Variants in BANK1 observed in about 807,000 individuals in gnomAD.
BANK1 encodes the protein B-cell scaffold protein with ankyrin repeats.
A neutral mutation model predicts 94.5 loss-of-function variants in BANK1; 95 were observed. That is an observed-to-expected ratio of 1.00 (90% confidence interval 0.85 to 1.19). The LOEUF is 1.19. Ranked by LOEUF, BANK1 falls within the 50% of genes most tolerant of loss-of-function variation. The pLI is 0.00. For missense variants in BANK1, 987 were observed against 932.2 expected, an observed-to-expected ratio of 1.06 and a Z score of -0.77; for synonymous variants, 334 against 308.4, an observed-to-expected ratio of 1.08 and a Z score of -0.87.
chr4:101,971,298 TA>T (rs1222549812), intron 7 of BANK1, among the ~76,000 whole-genome samples: 2 of 152,152 alleles, frequency 1.3e-5, no homozygotes, highest in Admixed American at 6.6e-5. Flanking sequence ...AGAAAATGTG[TA>T]AAAAACAGAA....
intron 3 of BANK1, among the ~76,000 whole-genome samples, chr4:101,855,850 G>A (rs1019479062): frequency 1.3e-5 from 2 of 152,186 alleles, no homozygotes; most frequent in African/African-American, 4.8e-5. Context: ...AGAGTATAAT[G>A]TGGGGGGATG....
intron 1 of BANK1, among the ~76,000 whole-genome samples, chr4:101,794,081 C>A: frequency 6.6e-6 from 1 of 151,912 alleles, no homozygotes. Flanking sequence ...GAAAAGAATT[C>A]ATAATGAGAA....
intron 1 of BANK1, among the ~76,000 whole-genome samples, chr4:101,809,074 A>G (rs1259101853): frequency 6.6e-6 from 1 of 152,232 alleles, no homozygotes; most frequent in Non-Finnish European, 1.5e-5. Flanking sequence ...ACAATTTGCA[A>G]TTGCAAAAAT....
intron 7 of BANK1, among the ~76,000 whole-genome samples, chr4:101,936,264 T>C (rs550452005): frequency 2.7e-5 from 4 of 150,232 alleles, no homozygotes; most frequent in African/African-American, 7.3e-5. Flanking sequence ...CACATACATG[T>C]ATGCATACAT....
chr4:101,876,311 AG>A (rs1339222853), intron 5 of BANK1, among the ~76,000 whole-genome samples: 12 of 152,188 alleles, frequency 7.9e-5, no homozygotes, highest in Admixed American at 7.9e-4. Flanking sequence ...GTGAGGGAAA[AG>A]TAAAGGGAAC....
chr4:101,845,146 T>G (rs928592854), intron 2 of BANK1, among the ~76,000 whole-genome samples: 1 of 152,138 alleles, frequency 6.6e-6, no homozygotes, highest in Non-Finnish European at 1.5e-5. Context: ...AACTAAATAC[T>G]ATTCCGTTCC....
chr4:101,939,377 T>A (rs974044768), intron 7 of BANK1, among the ~76,000 whole-genome samples: 3 of 151,762 alleles, frequency 2.0e-5, no homozygotes, highest in Non-Finnish European at 4.4e-5. Context: ...CAAACTCCAA[T>A]GACTTAGGGC....
At chr4:101,940,965 G>A (rs1482682581) in intron 7 of BANK1, among the ~76,000 whole-genome samples, 4 of 151,696 alleles carry the variant, frequency 2.6e-5, no homozygotes, top group African/African-American at 9.7e-5. Context: ...CCACCTCCTT[G>A]AGGACAAAGA....
At chr4:101,927,757 G>A (rs1166027636) in intron 7 of BANK1, among the ~76,000 whole-genome samples, 2 of 151,562 alleles carry the variant, frequency 1.3e-5, no homozygotes, top group South Asian at 4.1e-4. Flanking sequence ...GAGGAAGATT[G>A]AATGAAGAAA....
chr4:102,012,651 C>T (rs1314794836), intron 7 of BANK1, among the ~76,000 whole-genome samples: 5 of 152,126 alleles, frequency 3.3e-5, no homozygotes, highest in African/African-American at 1.2e-4. Flanking sequence ...TATATGTTTG[C>T]TTCTAGCTTG....
At chr4:101,871,949 T>A (rs1728305367) in intron 5 of BANK1, among the ~76,000 whole-genome samples, 1 of 152,176 alleles carries the variant, frequency 6.6e-6, no homozygotes, top group Non-Finnish European at 1.5e-5. Context: ...AAGTCATGAT[T>A]TCTTTTACAG....
chr4:101,838,381 AT>A (rs1560595255), intron 2 of BANK1, among the ~76,000 whole-genome samples: 1 of 152,210 alleles, frequency 6.6e-6, no homozygotes, highest in East Asian at 1.9e-4. Flanking sequence ...TCATTGTGTT[AT>A]TAACAACTTA....
At chr4:101,964,818 GGTTA>G (rs1159746747) in intron 7 of BANK1, among the ~76,000 whole-genome samples, 1 of 151,646 alleles carries the variant, frequency 6.6e-6, no homozygotes, top group Non-Finnish European at 1.5e-5. Flanking sequence ...ACAATGTGCA[GGTTA>G]GTTACATATG....
At chr4:101,865,569 T>G (rs557462193) in intron 4 of BANK1, among the ~76,000 whole-genome samples, 1 of 152,210 alleles carries the variant, frequency 6.6e-6, no homozygotes, top group East Asian at 1.9e-4. Flanking sequence ...TCATTCCAGC[T>G]GGGAAAGGAC....
chr4:102,070,256 C>T (rs79219897), intron 13 of BANK1, among the ~76,000 whole-genome samples: 5,515 of 152,312 alleles, frequency 0.036, 154 homozygotes, highest in East Asian at 0.077. Context: ...GGCCAACTTC[C>T]AGCATCTTGC....
intron 11 of BANK1, among the ~76,000 whole-genome samples, chr4:102,050,658 C>T (rs2631270): frequency 2.0e-5 from 3 of 152,064 alleles, no homozygotes; most frequent in Admixed American, 6.5e-5. Context: ...TTTCCAACCA[C>T]TCCCTATTAT....
chr4:101,901,632 G>C (rs183784770), intron 6 of BANK1, among the ~76,000 whole-genome samples: 32 of 152,268 alleles, frequency 2.1e-4, no homozygotes, highest in African/African-American at 7.5e-4. Flanking sequence ...AAAAGTAACA[G>C]ATTAGGCAAA....
At chr4:101,912,066 C>G (rs1190444550) in intron 6 of BANK1, among the ~76,000 whole-genome samples, 5 of 152,100 alleles carry the variant, frequency 3.3e-5, no homozygotes, top group African/African-American at 1.2e-4. Context: ...CACACACACA[C>G]AGAGGAGGTA....
chr4:101,872,913 G>A (rs1281184862), intron 5 of BANK1, among the ~76,000 whole-genome samples: 4 of 151,728 alleles, frequency 2.6e-5, no homozygotes, highest in Admixed American at 6.6e-5. Flanking sequence ...GCTTGAACCC[G>A]GGAGGTAGAG....
Sources: gnomAD v4.1 joint callset for allele counts (sites outside exome capture counted in the v4.1 genomes callset) on GRCh38, gnomAD v4.1.1 for gene constraint, MANE v1.5 for transcripts, NCBI Gene and HGNC (gene_info 2026-07-23, HGNC 2026-07-21) for gene names.